The following CROCC2 variants were observed in gnomAD, a reference collection of about 807,000 sequenced individuals.
CROCC2 encodes ciliary rootlet coiled-coil, rootletin family member 2.
CROCC2 carries 163 observed loss-of-function variants against 177.6 expected under a neutral mutation model. The ratio of observed to expected loss-of-function variants is 0.92; its 90% confidence interval spans 0.81 to 1.05. CROCC2 has a LOEUF of 1.05. CROCC2 is among the 50% of genes least tolerant of loss of function. The pLI is 0.00. For synonymous variants in CROCC2, 904 were observed against 787.3 expected (o/e 1.15, Z -2.48); for missense variants, 1,929 against 1,797.8 (o/e 1.07, Z -1.32).
chr2:240,962,004 C>T (rs2059642851), intron 20 of CROCC2, among the ~76,000 whole-genome samples: 1 of 119,324 alleles, frequency 8.4e-6, no homozygotes, highest in African/African-American at 3.4e-5. Context: ...CACACACACT[C>T]ATCACCCACA....
At chr2:240,914,524 G>A (rs1000068134) in intron 1 of CROCC2, among the ~76,000 whole-genome samples, 1 of 152,212 alleles carries the variant, frequency 6.6e-6, no homozygotes, top group Admixed American at 6.5e-5. Context: ...GCAGCCCCCT[G>A]CAGCGCTCCT....
At chr2:240,966,851 G>A (rs544122844) in intron 25 of CROCC2, among the ~76,000 whole-genome samples, 2 of 152,168 alleles carry the variant, frequency 1.3e-5, no homozygotes, top group Admixed American at 6.5e-5. Context: ...CTCCCACCTC[G>A]CTGGATGACT....
At position 240,934,912 on chromosome 2, in the gene CROCC2, C is replaced by A; in HGVS notation, c.1792-4C>A. On this transcript the variant is annotated splice_region_variant and splice_polypyrimidine_tract_variant and intron_variant, in intron 12 of 31. Transcript: ENST00000690015. ...CCTCCCTGGCATCCCCCTCCCTGCCCCAGGCCGAGTGCAGCAATGCGGACC... is the reference window on the plus strand; with the variant it reads ...CCTCCCTGGCATCCCCCTCCCTGCCACAGGCCGAGTGCAGCAATGCGGACC... 6.6e-7 allele frequency: 1 copy of A among 1,505,556 alleles called. No homozygotes were observed. Among genetic ancestry groups the A allele is most frequent in the Non-Finnish European group, 8.9e-7 (1 of 1,126,708 alleles). 93.3% of individuals were successfully genotyped at this position (1,505,556 alleles called of 1,614,324 possible). A position where few individuals can be genotyped will look rare whatever the true frequency, so the allele number is the denominator to read the frequency against.
Position 240,959,607 on chromosome 2 carries a change from G to A in CROCC2, c.3087+163G>A, listed in dbSNP as rs2059617850. ...ACTAGGAAGAGGCAAACAGCCATAGGGGCATGGGACAAGGGGCCCTCACAC... is the reference window on the plus strand; with the variant it reads ...ACTAGGAAGAGGCAAACAGCCATAGAGGCATGGGACAAGGGGCCCTCACAC... On this transcript the variant is annotated intron_variant, in intron 20 of 31. Coordinates refer to ENST00000690015, the MANE Select transcript of CROCC2 (RefSeq NM_001351305.2). 6 of 932,344 alleles carry A rather than the reference G, an allele frequency of 6.4e-6. No individual in the cohort carries two copies. The East Asian group carries it at 1.7e-4, about 26-fold the overall frequency. 57.8% of individuals were successfully genotyped at this position (932,344 alleles called of 1,614,324 possible).
chr2:240,906,996 T>G (rs1286168513), intron 1 of CROCC2, among the ~76,000 whole-genome samples: 3 of 79,648 alleles, frequency 3.8e-5, no homozygotes, highest in Non-Finnish European at 6.3e-5. Context: ...GGGCCGCTGC[T>G]GGCTGTGGAC....
At chr2:240,938,760 A>T (rs749837160) in intron 14 of CROCC2, among the ~76,000 whole-genome samples, 1 of 152,190 alleles carries the variant, frequency 6.6e-6, no homozygotes, top group African/African-American at 2.4e-5. Context: ...GTAGTTTTCA[A>T]TGTAGAGTTT....
chr2:240,991,479 G>C (rs1358476102), intron 31 of CROCC2, among the ~76,000 whole-genome samples: 1 of 152,244 alleles, frequency 6.6e-6, no homozygotes, highest in Non-Finnish European at 1.5e-5. Flanking sequence ...ACAGGGTGCA[G>C]GCAGCCACCG....
chr2:240,970,629 C>T (rs1018900184), intron 27 of CROCC2, among the ~76,000 whole-genome samples: 5 of 152,190 alleles, frequency 3.3e-5, no homozygotes, highest in South Asian at 2.1e-4. Context: ...CTTCCACCTG[C>T]GCCCTAGGAG....
At position 240,949,651 on chromosome 2, in the gene CROCC2, G is replaced by C. The variant is rs1344569609; in HGVS notation, c.2601G>C (p.Glu867Asp). ...QQEREAQRAL[E>D]SQALAHREAL... ...AGCGGGAGGCACAGCGGGCCCTGGA[G>C]AGCCAGGCGTTGGCCCACCGAGAGG... The change falls in exon 17 of 32, where the codon GAG becomes GAC. Residue 867 changes from glutamate (E) to aspartate (D), a missense_variant. Transcript: ENST00000690015. The surrounding 1 kb of genome is among the most constrained non-coding windows in gnomAD (Gnocchi z 4.5). 1 of 1,545,838 alleles carries C rather than the reference G, an allele frequency of 6.5e-7. No individual in the cohort carries two copies. The highest frequency in any genetic ancestry group is 1.4e-5 in the African/African-American group (1 of 72,416).
chr2:240,929,233 G>A (rs1022199932), intron 5 of CROCC2, among the ~76,000 whole-genome samples: 10 of 152,244 alleles, frequency 6.6e-5, no homozygotes, highest in South Asian at 4.1e-4. Context: ...TATTGTTTCC[G>A]CTGGTTTCTG....
chr2:240,907,345 T>A (rs2059262286), intron 1 of CROCC2, among the ~76,000 whole-genome samples: 1 of 152,024 alleles, frequency 6.6e-6, no homozygotes, highest in Non-Finnish European at 1.5e-5. Flanking sequence ...CAGCCTGCGG[T>A]CCCACCTCGG....
chr2:240,971,436 C>T (rs578050282), intron 27 of CROCC2, among the ~76,000 whole-genome samples: 92 of 152,296 alleles, frequency 6.0e-4, no homozygotes, highest in African/African-American at 2.1e-3. Flanking sequence ...CTGGAGGGGC[C>T]TGGCTTTCAT....
intron 7 of CROCC2, among the ~76,000 whole-genome samples, chr2:240,931,848 G>T (rs1410264451): frequency 6.6e-6 from 1 of 152,250 alleles, no homozygotes; most frequent in Non-Finnish European, 1.5e-5. Flanking sequence ...GCCCAACGGT[G>T]CCATACAGCT....
rs2059391521 is a variant in CROCC2 at position 240,925,734 on chromosome 2, C to T, written c.499C>T (p.Leu167Phe). 1 of 716,126 alleles carries T rather than the reference C, an allele frequency of 1.4e-6. No individual in the cohort carries two copies. The highest frequency in any genetic ancestry group is 2.6e-6 in the Non-Finnish European group (1 of 384,464). 44.4% of individuals were successfully genotyped at this position (716,126 alleles called of 1,614,324 possible). Residue 167 changes from leucine (L) to phenylalanine (F), a missense_variant, in exon 5 of 32, where the codon CTC becomes TTC. By Grantham distance (22) the Leu-to-Phe change is conservative (BLOSUM62 0). This residue lies in a region of CROCC2 where 1,397 missense variants were observed against 1,239.9 expected (regional missense o/e 1.13). Transcript: ENST00000690015. The part of the protein sequence containing the change: ...LEAAEERSTG[L>F]CQVNALLREQ... Reference sequence around the variant, plus strand: ...GGGTTCTCTGTCCAGGAGCACCGGCCTCTGTCAGGTGAACGCGCTCCTGCG... The same window carrying T: ...GGGTTCTCTGTCCAGGAGCACCGGCTTCTGTCAGGTGAACGCGCTCCTGCG...
Position 240,956,256 on chromosome 2 carries a change from G to A in CROCC2, c.2943+284G>A, listed in dbSNP as rs528743006. ...CAGAGAGAGGGGGCCTGGCCCAGCT[G>A]GGGGCCTCCCATGAGCCAACAGCAG... On this transcript the variant is annotated intron_variant, in intron 19 of 31. Coordinates refer to ENST00000690015, the MANE Select transcript of CROCC2 (RefSeq NM_001351305.2). 33 of 472,994 alleles carry A rather than the reference G, an allele frequency of 7.0e-5. 1 individual carries two copies. Among genetic ancestry groups the A allele is most frequent in the Non-Finnish European group, 1.2e-4 (30 of 259,758 alleles). The allele number at this position is 472,994 out of a possible 1,614,324, so 29.3% of individuals were successfully genotyped here. A position where few individuals can be genotyped will look rare whatever the true frequency, so the allele number is the denominator to read the frequency against.
At chr2:240,950,611 C>T (rs2059548839) in intron 18 of CROCC2, 101 bp downstream of exon 18, 2 of 1,221,548 alleles carry the variant, frequency 1.6e-6, no homozygotes, top group Non-Finnish European at 2.2e-6. Context: ...TTAGGCAGGT[C>T]CAACCGCCTA....
At chr2:240,912,929 A>G in intron 1 of CROCC2, among the ~76,000 whole-genome samples, 1 of 152,144 alleles carries the variant, frequency 6.6e-6, no homozygotes. Context: ...GGAGCGGTGG[A>G]TGGTTTCCAA....
At position 240,959,294 on chromosome 2, in the gene CROCC2, C is replaced by G; in HGVS notation, c.2944-7C>G. The G allele has an allele frequency of 6.5e-7, 1 of 1,550,032 alleles. No individual in the cohort carries two copies. The highest frequency in any genetic ancestry group is 8.7e-7 in the Non-Finnish European group (1 of 1,146,714). ...TGGTGCCACCGTGGGCTCCCTTCTCCCCGCAGGCCACCATCAGTGCCACGA... is the reference window on the plus strand; with the variant it reads ...TGGTGCCACCGTGGGCTCCCTTCTCGCCGCAGGCCACCATCAGTGCCACGA... On this transcript the variant is annotated splice_region_variant and splice_polypyrimidine_tract_variant and intron_variant, in intron 19 of 31. Coordinates refer to ENST00000690015, the MANE Select transcript of CROCC2 (RefSeq NM_001351305.2).
chr2:240,949,093 G>C lies in CROCC2; in HGVS notation c.2478G>C (p.Leu826Phe), dbSNP rs1171258813. 6.5e-7 allele frequency: 1 copy of C among 1,539,640 alleles called. No homozygotes were observed. The highest frequency in any genetic ancestry group is 1.4e-5 in the African/African-American group (1 of 72,712). ...ARSAGLARQALQVEMEQLQSD... is the reference protein window; with the variant it reads ...ARSAGLARQAFQVEMEQLQSD... ...GCGCAGGACTCGCGCGGCAGGCCTT[G>C]CAAGGTGCTCCAAGGGCGCTCCCTC... The change falls in exon 16 of 32, where the codon TTG (leucine) becomes TTC (phenylalanine). Residue 826 changes from leucine (L) to phenylalanine (F), a missense_variant. Physicochemically the swap from Leu to Phe is conservative, Grantham distance 22. Around this residue, in one of 3 missense-constraint regions of CROCC2, gnomAD observed 1,397 missense variants for 1,239.9 expected, o/e 1.13. Transcript: ENST00000690015. The surrounding 1 kb of genome is among the most constrained non-coding windows in gnomAD (Gnocchi z 4.5).
Sources: gnomAD v4.1 joint callset for allele counts (sites outside exome capture counted in the v4.1 genomes callset) on GRCh38, gnomAD v4.1.1 for gene constraint, gnomAD v4.1.1 regional missense constraint, Gnocchi (gnomAD v3.1) non-coding constraint, MANE v1.5 for transcripts, NCBI Gene and HGNC (gene_info 2026-07-23, HGNC 2026-07-21) for gene names.